The following HNF4G variants were observed in gnomAD, a reference collection of about 807,000 sequenced individuals.
The protein encoded by HNF4G is hepatocyte nuclear factor 4 gamma, also known as hepatocyte nuclear factor 4-gamma.
Under a neutral mutation model 50.9 loss-of-function variants are expected in HNF4G, and 21 were observed. The observed-to-expected ratio is 0.41, with a 90% CI of 0.29 to 0.59. The LOEUF (loss-of-function observed/expected upper bound fraction) is 0.59, where lower values mean the gene tolerates loss of function less well. Among genes scored for constraint, HNF4G ranks in the 20% least tolerant of loss-of-function variants. The pLI, the probability that HNF4G is intolerant of heterozygous loss-of-function variation, is 0.26. For missense variants in HNF4G, 527 were observed against 559.4 expected (o/e 0.94, Z 0.58); for synonymous variants, 198 against 185.6 (o/e 1.07, Z -0.54).
intron 2 of HNF4G, among the ~76,000 whole-genome samples, chr8:75,497,290 G>T (rs183368433): frequency 6.6e-6 from 1 of 152,134 alleles, no homozygotes; most frequent in Non-Finnish European, 1.5e-5. Flanking sequence ...AGTCATAACT[G>T]CTGGACACAT....
At chr8:75,521,391 A>T (rs1482359797) in intron 2 of HNF4G, among the ~76,000 whole-genome samples, 2 of 152,216 alleles carry the variant, frequency 1.3e-5, no homozygotes, top group African/African-American at 4.8e-5. Context: ...GCACAGTTTT[A>T]TGTAGATAGT....
intron 1 of HNF4G, among the ~76,000 whole-genome samples, chr8:75,479,577 ATT>A (rs66931689): frequency 1.7e-3 from 239 of 144,462 alleles, no homozygotes; most frequent in African/African-American, 4.4e-3. Context: ...CTTCATTTGC[ATT>A]TTTTTTTTTT....
intron 1 of HNF4G, among the ~76,000 whole-genome samples, chr8:75,446,961 C>A: frequency 7.0e-6 from 1 of 143,390 alleles, no homozygotes; most frequent in East Asian, 2.1e-4. Context: ...CAAAAAAGAG[C>A]CCGCATCGCC....
At chr8:75,530,871 CA>C (rs2130765840) in intron 2 of HNF4G, among the ~76,000 whole-genome samples, 1 of 150,332 alleles carries the variant, frequency 6.7e-6, no homozygotes, top group Non-Finnish European at 1.5e-5. Flanking sequence ...CGGTTCACTG[CA>C]ACCTCTGCCT....
chr8:75,419,225 A>T (rs1027915375), intron 1 of HNF4G, among the ~76,000 whole-genome samples: 1 of 152,214 alleles, frequency 6.6e-6, no homozygotes, highest in African/African-American at 2.4e-5. Context: ...TGAACTCCAA[A>T]GCAAGGCAGA....
intron 2 of HNF4G, among the ~76,000 whole-genome samples, chr8:75,545,268 T>TGTGTGC (rs1415630936): frequency 6.6e-6 from 1 of 150,910 alleles, no homozygotes; most frequent in Admixed American, 6.6e-5. Context: ...TGTGTGTGTG[T>TGTGTGC]GTGTAAAATG....
In HNF4G at chr8:75,441,666, T is replaced by C. The variant is rs147579483; in HGVS notation, c.-144+33504T>C. 4.3e-4 allele frequency among the ~76,000 whole-genome samples: 65 copies of C among 152,332 alleles called. 1 individual carries two copies. The highest frequency in any genetic ancestry group is 1.4e-3 in the African/African-American group (60 of 41,594). ...CAACATTATCAAACTAGCGAAGTCC[T>C]ATTAAATGATATGAGTTCACTGATT... On this transcript the variant is annotated intron_variant, in intron 1 of 10. Transcript: ENST00000354370.
At chr8:75,540,502 C>T (rs1052788546) in intron 1 of HNF4G, among the ~76,000 whole-genome samples, 1 of 152,092 alleles carries the variant, frequency 6.6e-6, no homozygotes, top group Non-Finnish European at 1.5e-5. Context: ...TGATTGTCTA[C>T]CCTTTTCCTT....
chr8:75,518,364 C>A (rs1383325247), intron 2 of HNF4G, among the ~76,000 whole-genome samples: 1 of 151,962 alleles, frequency 6.6e-6, no homozygotes, highest in Non-Finnish European at 1.5e-5. Context: ...GAAATAGGAA[C>A]ACTTTTACAC....
At chr8:75,429,961 C>A (rs1030073358) in intron 1 of HNF4G, among the ~76,000 whole-genome samples, 1 of 151,894 alleles carries the variant, frequency 6.6e-6, no homozygotes, top group Non-Finnish European at 1.5e-5. Context: ...ATCATCCTGG[C>A]TAACACAGTG....
intron 2 of HNF4G, among the ~76,000 whole-genome samples, chr8:75,530,906 C>T (rs1325690317): frequency 6.6e-6 from 1 of 151,776 alleles, no homozygotes; most frequent in Non-Finnish European, 1.5e-5. Context: ...GATTCTCCCA[C>T]CTCAGCCTCC....
intron 6 of HNF4G, 58 bp from the exon 7 acceptor site, chr8:75,558,460 C>G: frequency 6.5e-7 from 1 of 1,526,932 alleles, no homozygotes; most frequent in Non-Finnish European, 8.9e-7. Flanking sequence ...ACAGTGCTGA[C>G]AATTTGGGGA....
upstream of HNF4G, among the ~76,000 whole-genome samples, chr8:75,538,077 A>ACTAC (rs542395125): frequency 3.4e-3 from 515 of 152,276 alleles, no homozygotes; most frequent in Middle Eastern, 0.017. Flanking sequence ...CATTACAAAG[A>ACTAC]CTACCCACTT....
At chr8:75,547,989 A>AT (rs34854066) in intron 3 of HNF4G, among the ~76,000 whole-genome samples, 2,067 of 140,234 alleles carry the variant, frequency 0.015, 42 homozygotes, top group African/African-American at 0.042. Context: ...GAAATTACAG[A>AT]TTTTTTTTTT....
Position 75,424,300 on chromosome 8 carries a change from AATCT to A in HNF4G, c.-144+16144_-144+16147del, listed in dbSNP as rs566333072. On this transcript the variant is annotated intron_variant, in intron 1 of 10. Transcript: ENST00000354370. ...AATGTTCGTTAAATAGAAATAATAC[AATCT>A]ATCTAACCCTTTTTAAAATTTTTGT... Among the ~76,000 whole-genome samples the A allele has an allele frequency of 9.9e-3, 1,513 of 152,326 alleles. 28 individuals are homozygous for A. The highest frequency in any genetic ancestry group is 0.034 in the African/African-American group (1,397 of 41,560).
intron 1 of HNF4G, among the ~76,000 whole-genome samples, chr8:75,427,399 G>A (rs957965013): frequency 1.3e-5 from 2 of 152,050 alleles, no homozygotes; most frequent in African/African-American, 4.8e-5. Context: ...CCAACATGGT[G>A]AAACCCAGTC....
intron 1 of HNF4G, among the ~76,000 whole-genome samples, chr8:75,458,624 C>T (rs1283866964): frequency 2.0e-5 from 3 of 152,172 alleles, no homozygotes; most frequent in East Asian, 1.9e-4. Flanking sequence ...ATTGTATCTC[C>T]TTAATGTCTT....
chr8:75,463,532 A>C (rs1585865571), intron 1 of HNF4G, among the ~76,000 whole-genome samples: 1 of 152,102 alleles, frequency 6.6e-6, no homozygotes, highest in Non-Finnish European at 1.5e-5. Flanking sequence ...TTTGACATTT[A>C]TATTTTAAAT....
intron 1 of HNF4G, among the ~76,000 whole-genome samples, chr8:75,461,884 AAATAT>A (rs1430394511): frequency 8.6e-5 from 11 of 128,176 alleles, no homozygotes; most frequent in African/African-American, 2.8e-4. Context: ...AAAAAAAAAT[AAATAT>A]ATAAATATAT....
Sources: gnomAD v4.1 joint callset for allele counts (sites outside exome capture counted in the v4.1 genomes callset) on GRCh38, gnomAD v4.1.1 for gene constraint, MANE v1.5 for transcripts, NCBI Gene and HGNC (gene_info 2026-07-23, HGNC 2026-07-21) for gene names.